The following RBM25 variants were observed in gnomAD, a reference collection of about 807,000 sequenced individuals.
RBM25 encodes the protein RNA-binding protein 25.
A neutral mutation model predicts 120.7 loss-of-function variants in RBM25; 19 were observed. That is an observed-to-expected ratio of 0.16 (90% CI 0.11 to 0.23). RBM25 has a LOEUF of 0.23. Ranked by LOEUF, RBM25 falls within the 10% of genes least tolerant of loss-of-function variation. RBM25 has a pLI of 1.00. For missense variants in RBM25, 605 were observed against 1,041.5 expected (o/e 0.58, Z 5.77); for synonymous variants, 390 against 326.7 (o/e 1.19, Z -2.09).
At chr14:73,059,204 C>T (rs1447055564) in intron 1 of RBM25, 2 of 152,282 alleles carry the variant, frequency 1.3e-5, no homozygotes, top group African/African-American at 4.8e-5. Flanking sequence ...TCTTTCCCTT[C>T]CTCTTTGGCC....
At chr14:73,100,110 G>A (rs1896028947) in intron 9 of RBM25, 4 of 469,852 alleles carry the variant, frequency 8.5e-6, no homozygotes, top group Middle Eastern at 1.1e-3. Flanking sequence ...TATTTAACTT[G>A]ATCTTAGGAA....
chr14:73,108,876 A>T (rs1224485936), intron 13 of RBM25, among the ~76,000 whole-genome samples: 5 of 152,220 alleles, frequency 3.3e-5, no homozygotes, highest in African/African-American at 9.6e-5. Context: ...GAACTGCTAG[A>T]TAGGAGAGAA....
chr14:73,088,580 T>C, intron 6 of RBM25: 1 of 352,408 alleles, frequency 2.8e-6, no homozygotes, highest in East Asian at 7.4e-5. Flanking sequence ...TTGCCTTAGG[T>C]TGGGGGCTTT....
At chr14:73,106,388 C>A in intron 12 of RBM25, 103 bp downstream of exon 12, 1 of 905,522 alleles carries the variant, frequency 1.1e-6, no homozygotes, top group Non-Finnish European at 1.6e-6. Context: ...ACAAGCTTCT[C>A]TATTCATGTA....
chr14:73,066,728 T>A (rs1895144853), intron 1 of RBM25, among the ~76,000 whole-genome samples: 1 of 152,098 alleles, frequency 6.6e-6, no homozygotes, highest in South Asian at 2.1e-4. Context: ...CTGTGTTTTC[T>A]GAAATTGAAG....
intron 12 of RBM25, among the ~76,000 whole-genome samples, chr14:73,106,984 C>A (rs1309180716): frequency 6.6e-6 from 1 of 151,968 alleles, no homozygotes; most frequent in East Asian, 1.9e-4. Flanking sequence ...GGATTACAGG[C>A]GTGTGCCACA....
intron 2 of RBM25, among the ~76,000 whole-genome samples, chr14:73,073,634 G>T (rs543663737): frequency 9.2e-5 from 14 of 152,254 alleles, no homozygotes; most frequent in Admixed American, 5.2e-4. Context: ...GTTGCAGTGA[G>T]CTGAGATCAT....
chr14:73,086,180 G>A (rs61985148), intron 5 of RBM25, among the ~76,000 whole-genome samples: 5,502 of 152,042 alleles, frequency 0.036, 141 homozygotes, highest in Non-Finnish European at 0.059. Flanking sequence ...GGGTGTGGTG[G>A]CTCGAGCTTG....
Position 73,109,134 on chromosome 14 carries a change from A to G in RBM25, c.1542-208A>G, listed in dbSNP as rs117132987. The G allele has an allele frequency of 4.9e-3, 1,958 of 403,362 alleles. 7 individuals are homozygous for G. The highest frequency in any genetic ancestry group is 6.3e-3 in the Admixed American group (146 of 23,274). 25.0% of individuals were successfully genotyped at this position (403,362 alleles called of 1,614,324 possible). On this transcript the variant is annotated intron_variant, in intron 13 of 18. Transcript: ENST00000261973. ...GAATGACTTTAAGAATGAAGGGAAC[A>G]TAGTGATAAATGACAAGATAATGCT...
chr14:73,096,873 T>C (rs79323036), intron 6 of RBM25, 42 bp from the exon 7 acceptor site: 1 of 1,554,290 alleles, frequency 6.4e-7, no homozygotes, highest in Admixed American at 1.8e-5. Flanking sequence ...TTGATTTTCT[T>C]GCTTGATTTT....
In RBM25 at chr14:73,062,309, CT is replaced by C. The variant is rs372246335; in HGVS notation, c.-16+3614del. Among the ~76,000 whole-genome samples the C allele has an allele frequency of 6.4e-3, 953 of 148,964 alleles. 26 individuals carry two copies. Among genetic ancestry groups the C allele is most frequent in the African/African-American group, 0.022 (883 of 40,834 alleles). ...CCCATTCTTCTTTGGGCATAAAACA[CT>C]TTTTTTTTTCTAGGAATAATTCCTG... On this transcript the variant is annotated intron_variant, in intron 1 of 18. Transcript: ENST00000261973.
rs1477410650 is a variant in RBM25 at position 73,121,534 on chromosome 14, C to T, written c.*1729C>T. On this transcript the variant is annotated 3_prime_UTR_variant, in exon 19 of 19. Coordinates refer to ENST00000261973, the MANE Select transcript of RBM25 (RefSeq NM_021239.3). ...TCTTTTATTTTAAATTCTGGTTTCT[C>T]AACGGAAAATTTCAGAAAAGATGCC... 1 of 152,128 alleles carries T rather than the reference C, an allele frequency of 6.6e-6. No homozygotes were observed. Among genetic ancestry groups the T allele is most frequent in the Non-Finnish European group, 1.5e-5 (1 of 68,018 alleles). 9.4% of individuals were successfully genotyped at this position (152,128 alleles called of 1,614,324 possible). A position where few individuals can be genotyped will look rare whatever the true frequency, so the allele number is the denominator to read the frequency against.
chr14:73,108,874 A>G (rs973506905), intron 13 of RBM25, among the ~76,000 whole-genome samples: 1 of 152,250 alleles, frequency 6.6e-6, no homozygotes, highest in African/African-American at 2.4e-5. Flanking sequence ...ATGAACTGCT[A>G]GATAGGAGAG....
intron 9 of RBM25, chr14:73,100,554 G>A (rs142129513): frequency 3.7e-5 from 15 of 407,124 alleles, no homozygotes; most frequent in East Asian, 1.4e-4. Context: ...GCTTTTGAAC[G>A]GTGCAATGCA....
At position 73,077,617 on chromosome 14, in the gene RBM25, T is replaced by C. The variant is rs878936093; in HGVS notation, c.324+81T>C. On this transcript the variant is annotated intron_variant, in intron 4 of 18. Transcript: ENST00000261973. ...ACTTAAGCAGAAAGAAGACTTTCAG[T>C]GATTGCTTTTTATTTTAAAAAATTT... is the stretch of plus-strand genomic sequence containing the variant. The C allele has an allele frequency of 8.6e-6, 11 of 1,281,646 alleles. No homozygotes were observed. In the Admixed American group the frequency reaches 2.6e-4, roughly 30 times the overall value. The allele number at this position is 1,281,646 out of a possible 1,614,324, so 79.4% of individuals were successfully genotyped here. A position where few individuals can be genotyped will look rare whatever the true frequency, so the allele number is the denominator to read the frequency against.
At chr14:73,100,107 C>G (rs960849735) in intron 9 of RBM25, 3 of 468,054 alleles carry the variant, frequency 6.4e-6, no homozygotes, top group African/African-American at 6.0e-5. Context: ...AGTTATTTAA[C>G]TTGATCTTAG....
At chr14:73,097,853 A>G (rs533576300) in intron 7 of RBM25, among the ~76,000 whole-genome samples, 124 of 152,214 alleles carry the variant, frequency 8.1e-4, no homozygotes, top group Non-Finnish European at 1.1e-3. Flanking sequence ...CAGTGAATTG[A>G]TTGCTACCTC....
At chr14:73,109,916 G>A (rs1283618554) in intron 14 of RBM25, among the ~76,000 whole-genome samples, 6 of 151,952 alleles carry the variant, frequency 3.9e-5, no homozygotes, top group Admixed American at 6.6e-5. Flanking sequence ...ATGGGGTCTC[G>A]CTGTGTCGCC....
rs142989597 is a variant in RBM25 at position 73,095,510 on chromosome 14, G to T, written c.544-1405G>T. Among the ~76,000 whole-genome samples, 18 of 151,970 alleles carry T rather than the reference G, an allele frequency of 1.2e-4. No individual in the cohort carries two copies. In the East Asian group the frequency reaches 3.5e-3, roughly 30 times the overall value. On this transcript the variant is annotated intron_variant, in intron 6 of 18. Transcript: ENST00000261973. ...GGTCCCAGCTACTCAGGAGGCTAAG[G>T]CAGGAGAATGGTGTGAAACTGGGAG...
Sources: allele counts gnomAD v4.1 joint callset (sites outside exome capture counted in the v4.1 genomes callset), GRCh38; gene constraint gnomAD v4.1.1; transcripts MANE v1.5; gene names NCBI Gene and HGNC (gene_info 2026-07-23, HGNC 2026-07-21).